The following KCNQ3 variants were observed in gnomAD, a reference collection of about 807,000 sequenced individuals.
KCNQ3 encodes the protein potassium voltage-gated channel subfamily KQT member 3.
Under a neutral mutation model 92.5 loss-of-function variants are expected in KCNQ3, and 30 were observed. The observed-to-expected ratio is 0.32, with a 90% CI of 0.24 to 0.44. The LOEUF (loss-of-function observed/expected upper bound fraction) is 0.44, where lower values mean the gene tolerates loss of function less well. Ranked by LOEUF, KCNQ3 falls within the 20% of genes least tolerant of loss-of-function variation. The pLI, the probability that KCNQ3 is intolerant of heterozygous loss-of-function variation, is 1.00. For synonymous variants in KCNQ3, 450 were observed against 468.8 expected, an observed-to-expected ratio of 0.96 and a Z score of 0.52; for missense variants, 913 against 1,140.3, an observed-to-expected ratio of 0.80 and a Z score of 2.87.
At chr8:132,233,443 C>T (rs920214554) in intron 1 of KCNQ3, among the ~76,000 whole-genome samples, 13 of 152,184 alleles carry the variant, frequency 8.5e-5, no homozygotes, top group African/African-American at 3.1e-4. Flanking sequence ...GCCACCTTAA[C>T]CTTGATATTC....
intron 1 of KCNQ3, among the ~76,000 whole-genome samples, chr8:132,468,869 C>G (rs1455077458): frequency 6.6e-6 from 1 of 152,220 alleles, no homozygotes; most frequent in Non-Finnish European, 1.5e-5. Context: ...CTTAAGTTCT[C>G]ACTCTTACTT....
chr8:132,267,018 A>G (rs1468739145), intron 1 of KCNQ3, among the ~76,000 whole-genome samples: 1 of 152,184 alleles, frequency 6.6e-6, no homozygotes, highest in African/African-American at 2.4e-5. Context: ...CATTTTCTCC[A>G]TGTGAAAATG....
At chr8:132,475,434 G>C (rs1446306779) in intron 1 of KCNQ3, among the ~76,000 whole-genome samples, 1 of 152,222 alleles carries the variant, frequency 6.6e-6, no homozygotes, top group Non-Finnish European at 1.5e-5. Flanking sequence ...GGACAATGAA[G>C]TCCAGGCTGA....
intron 1 of KCNQ3, among the ~76,000 whole-genome samples, chr8:132,210,194 T>C (rs1813806600): frequency 6.6e-6 from 1 of 152,218 alleles, no homozygotes; most frequent in African/African-American, 2.4e-5. Flanking sequence ...GTCTGGTTTT[T>C]AAACTTCCTC....
At chr8:132,134,462 C>A in intron 12 of KCNQ3, 74 bp from the exon 13 acceptor site, 1 of 1,056,232 alleles carries the variant, frequency 9.5e-7, no homozygotes, top group Non-Finnish European at 1.5e-6. Context: ...TCATTCTATT[C>A]TCTCTAGAAT....
At chr8:132,188,228 T>G (rs1368708603) in intron 1 of KCNQ3, among the ~76,000 whole-genome samples, 1 of 152,182 alleles carries the variant, frequency 6.6e-6, no homozygotes, top group Non-Finnish European at 1.5e-5. Context: ...ACCATGATTC[T>G]GAAGACTTCA....
At chr8:132,425,162 C>T (rs558708489) in intron 1 of KCNQ3, among the ~76,000 whole-genome samples, 2 of 152,244 alleles carry the variant, frequency 1.3e-5, no homozygotes, top group East Asian at 3.9e-4. Context: ...AATGACCTGC[C>T]CCCAACTGGA....
intron 1 of KCNQ3, among the ~76,000 whole-genome samples, chr8:132,398,495 T>C (rs1820252565): frequency 6.6e-6 from 1 of 152,250 alleles, no homozygotes; most frequent in African/African-American, 2.4e-5. Flanking sequence ...TACTTTGTTC[T>C]GCCAAATAAA....
intron 1 of KCNQ3, among the ~76,000 whole-genome samples, chr8:132,439,636 G>A (rs116857026): frequency 0.021 from 3,163 of 152,182 alleles, 41 homozygotes; most frequent in Middle Eastern, 0.041. Flanking sequence ...GGAGGGGGCA[G>A]AGAGGAGTCA....
chr8:132,354,855 A>G (rs1325064436), intron 1 of KCNQ3, among the ~76,000 whole-genome samples: 1 of 152,166 alleles, frequency 6.6e-6, no homozygotes, highest in Non-Finnish European at 1.5e-5. Flanking sequence ...AATCCCTGGT[A>G]GCCTCTGCTC....
At chr8:132,225,023 CA>C (rs1814364683) in intron 1 of KCNQ3, among the ~76,000 whole-genome samples, 1 of 152,176 alleles carries the variant, frequency 6.6e-6, no homozygotes, top group Non-Finnish European at 1.5e-5. Flanking sequence ...CTACATTAAT[CA>C]ATCATTTATA....
intron 1 of KCNQ3, among the ~76,000 whole-genome samples, chr8:132,245,760 T>C (rs1163622996): frequency 6.6e-6 from 1 of 152,334 alleles, no homozygotes; most frequent in East Asian, 1.9e-4. Context: ...TATCTACTGC[T>C]TGTCACAATT....
rs553004014 is a variant in KCNQ3 at position 132,327,926 on chromosome 8, A to G, written c.387-141745T>C. ...GTACTACAGCTCCCCACTCACAGAA[A>G]TTAGGGGCAGGCCTCTCTGTGGGAT... On this transcript the variant is annotated intron_variant, in intron 1 of 14. Coordinates refer to ENST00000388996, the MANE Select transcript of KCNQ3 (RefSeq NM_004519.4). 3.3e-5 allele frequency among the ~76,000 whole-genome samples: 5 copies of G among 152,046 alleles called. No homozygotes were observed. In the South Asian group the frequency reaches 6.3e-4, roughly 19 times the overall value.
chr8:132,260,949 A>T (rs1340138111), intron 1 of KCNQ3, among the ~76,000 whole-genome samples: 1 of 152,224 alleles, frequency 6.6e-6, no homozygotes, highest in African/African-American at 2.4e-5. Context: ...TATAATTCAT[A>T]TAAAATAAAA....
At chr8:132,306,189 A>G (rs1487064151) in intron 1 of KCNQ3, among the ~76,000 whole-genome samples, 1 of 152,154 alleles carries the variant, frequency 6.6e-6, no homozygotes. Flanking sequence ...GGGCATTTGA[A>G]AAATGGTTCT....
At chr8:132,164,888 C>G (rs1415352045) in intron 8 of KCNQ3, among the ~76,000 whole-genome samples, 1 of 150,176 alleles carries the variant, frequency 6.7e-6, no homozygotes, top group Non-Finnish European at 1.5e-5. Flanking sequence ...TGACTCCCCT[C>G]TCACTGAGAT....
At chr8:132,189,840 T>C (rs1489596253) in intron 1 of KCNQ3, among the ~76,000 whole-genome samples, 7 of 98,112 alleles carry the variant, frequency 7.1e-5, no homozygotes, top group Admixed American at 6.7e-4. Context: ...AAAAAAAAAG[T>C]TATCCAAAAA....
chr8:132,214,527 C>T (rs1172165653), intron 1 of KCNQ3, among the ~76,000 whole-genome samples: 5 of 152,186 alleles, frequency 3.3e-5, no homozygotes, highest in African/African-American at 4.8e-5. Flanking sequence ...TGTTTGTTCA[C>T]CCTTGACATC....
Position 132,480,874 on chromosome 8 carries a change from GGGCGGC to G in KCNQ3, c.-348_-343del, listed in dbSNP as rs963622181. On this transcript the variant is annotated 5_prime_UTR_variant, in exon 1 of 15. Coordinates refer to ENST00000388996, the MANE Select transcript of KCNQ3 (RefSeq NM_004519.4). ...GCGGGAGCCTGGAACCGGCGCTCCG[GGGCGGC>G]GGCGGCGGCGGCGGCACCCAGGCCG... 1.0e-3 allele frequency: 157 copies of G among 154,874 alleles called. No homozygotes were observed. The highest frequency in any genetic ancestry group is 3.6e-3 in the African/African-American group (149 of 40,834). 9.6% of individuals were successfully genotyped at this position (154,874 alleles called of 1,614,324 possible). A position where few individuals can be genotyped will look rare whatever the true frequency, so the allele number is the denominator to read the frequency against.
Sources: allele counts gnomAD v4.1 joint callset (sites outside exome capture counted in the v4.1 genomes callset), GRCh38; gene constraint gnomAD v4.1.1; transcripts MANE v1.5; gene names NCBI Gene and HGNC (gene_info 2026-07-23, HGNC 2026-07-21).